TSGA10: variants seen among roughly 807,000 people sequenced by gnomAD.
TSGA10 encodes the protein testis specific 10.
A neutral mutation model predicts 96.6 loss-of-function variants in TSGA10; 43 were observed. The observed-to-expected ratio is 0.44, with a 90% CI of 0.35 to 0.57. TSGA10 has a LOEUF of 0.57. Among genes scored for constraint, TSGA10 ranks in the 20% least tolerant of loss-of-function variants. The probability of loss-of-function intolerance (pLI) is 0.01; values close to 1 mark genes in which losing one functional copy is unlikely to be tolerated. For missense variants in TSGA10, 703 were observed against 834.4 expected, an observed-to-expected ratio of 0.84 and a Z score of 1.94; for synonymous variants, 229 against 269.9, an observed-to-expected ratio of 0.85 and a Z score of 1.48.
At chr2:99,101,501 G>A (rs1297930168) in intron 10 of TSGA10, among the ~76,000 whole-genome samples, 1 of 151,780 alleles carries the variant, frequency 6.6e-6, no homozygotes, top group Non-Finnish European at 1.5e-5. Context: ...ATCAACAGTA[G>A]GCTAGATGAA....
In TSGA10 at chr2:99,000,377, T is replaced by A. The variant is rs548995006; in HGVS notation, c.2073-2156A>T. On this transcript the variant is annotated intron_variant, in intron 20 of 20. Transcript: ENST00000393483. Reference sequence around the variant, plus strand: ...AAAAAAAATGAGCTGGATGTAGTGATGGACACCTGTAATCTCACCTACTCA... The same window carrying A: ...AAAAAAAATGAGCTGGATGTAGTGAAGGACACCTGTAATCTCACCTACTCA... Among the ~76,000 whole-genome samples the A allele has an allele frequency of 2.0e-5, 3 of 150,516 alleles. No homozygotes were observed. The East Asian group carries it at 5.9e-4, about 30-fold the overall frequency.
At chr2:99,044,988 C>A (rs2082605340) in intron 16 of TSGA10, among the ~76,000 whole-genome samples, 1 of 151,888 alleles carries the variant, frequency 6.6e-6, no homozygotes, top group South Asian at 2.1e-4. Context: ...CCAACAAGAA[C>A]AAAGACAGAA....
At chr2:99,016,287 T>C (rs982695924) in intron 20 of TSGA10, among the ~76,000 whole-genome samples, 1 of 152,130 alleles carries the variant, frequency 6.6e-6, no homozygotes, top group Admixed American at 6.5e-5. Flanking sequence ...GGTACTGATA[T>C]AAAAATAGGC....
intron 13 of TSGA10, 37 bp downstream of exon 13, chr2:99,072,981 A>C: frequency 1.3e-6 from 2 of 1,501,456 alleles, no homozygotes; most frequent in Non-Finnish European, 1.8e-6. Context: ...TTGGCCCCCC[A>C]GTAAGAGCTC....
intron 16 of TSGA10, among the ~76,000 whole-genome samples, chr2:99,042,038 A>AC (rs1319336369): frequency 0.02 from 2,222 of 112,238 alleles, 94 homozygotes; most frequent in African/African-American, 0.085. Context: ...TTGCCCCCCC[A>AC]CATTTTTTTT....
chr2:99,051,418 A>C (rs2083381278), intron 16 of TSGA10, among the ~76,000 whole-genome samples: 1 of 152,178 alleles, frequency 6.6e-6, no homozygotes, highest in African/African-American at 2.4e-5. Context: ...TAAAGGGTCA[A>C]GGCCATCAGA....
intron 20 of TSGA10, among the ~76,000 whole-genome samples, chr2:99,011,117 T>A (rs1280533521): frequency 6.6e-6 from 1 of 152,118 alleles, no homozygotes; most frequent in Non-Finnish European, 1.5e-5. Context: ...CGACCTAAAG[T>A]GATGCATCAC....
At chr2:98,999,596 A>C (rs1046500495) in intron 20 of TSGA10, among the ~76,000 whole-genome samples, 2 of 152,264 alleles carry the variant, frequency 1.3e-5, no homozygotes, top group African/African-American at 4.8e-5. Context: ...CTTTCATAAA[A>C]GCCAAAAGAA....
Position 99,087,875 on chromosome 2 carries a change from AAAG to A in TSGA10, c.612-6481_612-6479del, listed in dbSNP as rs566235087. 3.0e-3 allele frequency among the ~76,000 whole-genome samples: 457 copies of A among 152,314 alleles called. 1 individual carries two copies. The highest frequency in any genetic ancestry group is 9.3e-3 in the African/African-American group (388 of 41,562). On this transcript the variant is annotated intron_variant, in intron 10 of 20. Coordinates refer to ENST00000393483, the MANE Select transcript of TSGA10 (RefSeq NM_025244.4). ...AATAGAACTGAACAGACACTTAACA[AAAG>A]AAGATATATAAATGGCACACAAACA...
chr2:99,031,708 C>T (rs1319603151), intron 17 of TSGA10, among the ~76,000 whole-genome samples: 7 of 152,134 alleles, frequency 4.6e-5, no homozygotes, highest in African/African-American at 1.7e-4. Context: ...GGCAGGTGAG[C>T]CCGCAAAGCT....
At chr2:99,043,563 A>G (rs968438797) in intron 16 of TSGA10, among the ~76,000 whole-genome samples, 4 of 151,724 alleles carry the variant, frequency 2.6e-5, no homozygotes, top group Non-Finnish European at 5.9e-5. Flanking sequence ...GATAAAAGCT[A>G]AGAGATCTAC....
chr2:99,148,044 A>G (rs545789866), intron 1 of TSGA10, among the ~76,000 whole-genome samples: 1 of 152,280 alleles, frequency 6.6e-6, no homozygotes, highest in South Asian at 2.1e-4. Context: ...CCAATTCAAG[A>G]GCATTGGTTG....
chr2:99,151,761 T>C (rs906631012), intron 1 of TSGA10, among the ~76,000 whole-genome samples: 1 of 152,184 alleles, frequency 6.6e-6, no homozygotes, highest in African/African-American at 2.4e-5. Flanking sequence ...CAAGTGTTAA[T>C]AGTTTGTCTT....
At position 99,073,060 on chromosome 2, in the gene TSGA10, G is replaced by C; in HGVS notation, c.896C>G (p.Ser299Ter). ...CTCAGCAATGATATTCTTCATGCCT[G>C]AAATGGTCTTTTCCTTGAAAAATAA... is the stretch of plus-strand genomic sequence containing the variant. ...ESLAMKEKTISGMKNIIAEME... is the reference protein window; with the variant it reads ...ESLAMKEKTI The change falls in exon 13 of 21, where the codon TCA (serine) becomes TGA (stop). Residue 299 changes from serine to a stop codon, truncating the protein, a stop_gained. Coordinates refer to ENST00000393483, the MANE Select transcript of TSGA10 (RefSeq NM_025244.4). LOFTEE classifies it high-confidence loss of function. 6.2e-7 allele frequency: 1 copy of C among 1,600,984 alleles called. No homozygotes were observed. The highest frequency in any genetic ancestry group is 8.5e-7 in the Non-Finnish European group (1 of 1,170,498).
intron 1 of TSGA10, chr2:99,147,059 T>C (rs1036932633): frequency 6.0e-6 from 1 of 165,478 alleles, no homozygotes; most frequent in Non-Finnish European, 1.3e-5. Flanking sequence ...GTTCCTGAAA[T>C]ACCTAAGTCC....
At chr2:99,140,055 G>C (rs1414663968) in intron 1 of TSGA10, among the ~76,000 whole-genome samples, 1 of 152,162 alleles carries the variant, frequency 6.6e-6, no homozygotes, top group Non-Finnish European at 1.5e-5. Context: ...TATATTCTGG[G>C]CTACAGGCAG....
chr2:99,013,850 T>A (rs192444095), intron 20 of TSGA10, among the ~76,000 whole-genome samples: 8 of 151,590 alleles, frequency 5.3e-5, no homozygotes, highest in African/African-American at 1.9e-4. Context: ...ACCCTGTCTC[T>A]ACTAAAAATA....
intron 16 of TSGA10, among the ~76,000 whole-genome samples, chr2:99,049,795 G>C (rs1311705347): frequency 6.6e-6 from 1 of 151,284 alleles, no homozygotes; most frequent in East Asian, 1.9e-4. Flanking sequence ...AGCATGCCTT[G>C]TTGGCAGATC....
At chr2:99,048,045 C>A (rs1363114998) in intron 16 of TSGA10, among the ~76,000 whole-genome samples, 1 of 152,138 alleles carries the variant, frequency 6.6e-6, no homozygotes, top group East Asian at 1.9e-4. Flanking sequence ...AGGAGAACTA[C>A]AAACCACTGC....
Sources: allele counts gnomAD v4.1 joint callset (sites outside exome capture counted in the v4.1 genomes callset), GRCh38; gene constraint gnomAD v4.1.1; transcripts MANE v1.5; gene names NCBI Gene and HGNC (gene_info 2026-07-23, HGNC 2026-07-21).